The following ZDHHC14 variants were observed in gnomAD, a reference collection of about 807,000 sequenced individuals.
The protein encoded by ZDHHC14 is zDHHC palmitoyltransferase 14, also known as palmitoyltransferase ZDHHC14.
A neutral mutation model predicts 47.7 loss-of-function variants in ZDHHC14; 16 were observed. That is an observed-to-expected ratio of 0.34 (90% CI 0.23 to 0.51). ZDHHC14 has a LOEUF of 0.51. ZDHHC14 is among the 20% of genes least tolerant of loss of function. The pLI, the probability that ZDHHC14 is intolerant of heterozygous loss-of-function variation, is 0.97. For missense variants in ZDHHC14, 515 were observed against 662.5 expected (o/e 0.78, Z 2.44); for synonymous variants, 293 against 278.9 (o/e 1.05, Z -0.50).
chr6:157,616,752 C>T (rs765724601), intron 3 of ZDHHC14, among the ~76,000 whole-genome samples: 13 of 152,140 alleles, frequency 8.5e-5, no homozygotes, highest in Non-Finnish European at 1.3e-4. Context: ...GACAGTGTGC[C>T]ATGAGAATGT....
At chr6:157,529,670 G>A (rs1490252098) in intron 1 of ZDHHC14, among the ~76,000 whole-genome samples, 1 of 152,188 alleles carries the variant, frequency 6.6e-6, no homozygotes, top group African/African-American at 2.4e-5. Context: ...ATAGTTTCAG[G>A]TTTCACTGTG....
intron 1 of ZDHHC14, among the ~76,000 whole-genome samples, chr6:157,398,085 GC>G (rs772680612): frequency 0.024 from 1,689 of 71,370 alleles, 15 homozygotes; most frequent in Non-Finnish European, 0.031. Context: ...CAGCTCCCCA[GC>G]CCCCCCCGGC....
intron 3 of ZDHHC14, among the ~76,000 whole-genome samples, chr6:157,595,826 TA>T (rs1467723226): frequency 4.6e-5 from 7 of 152,128 alleles, no homozygotes; most frequent in African/African-American, 1.4e-4. Context: ...ACCTTTCTGG[TA>T]AATCAAAGTC....
intron 1 of ZDHHC14, among the ~76,000 whole-genome samples, chr6:157,510,169 G>A (rs369194133): frequency 8.5e-5 from 13 of 152,298 alleles, no homozygotes; most frequent in East Asian, 3.9e-4. Context: ...ACTTGAACCC[G>A]GAGGCTGGAA....
intron 1 of ZDHHC14, among the ~76,000 whole-genome samples, chr6:157,494,306 G>T (rs1780003082): frequency 6.6e-6 from 1 of 152,160 alleles, no homozygotes; most frequent in South Asian, 2.1e-4. Flanking sequence ...AGCCGTCCTT[G>T]GATGCCTGTC....
In ZDHHC14 at chr6:157,463,096, T is replaced by C. The variant is rs1181363814; in HGVS notation, c.246-79489T>C. Among the ~76,000 whole-genome samples, 1 of 152,226 alleles carries C rather than the reference T, an allele frequency of 6.6e-6. No individual in the cohort carries two copies. The highest frequency in any genetic ancestry group is 2.4e-5 in the African/African-American group (1 of 41,452). On this transcript the variant is annotated intron_variant, in intron 1 of 8. Transcript: ENST00000359775. The surrounding 1 kb of genome is among the most constrained non-coding windows in gnomAD (Gnocchi z 4.4). The stretch of plus-strand genomic sequence containing the variant: ...GTAGGTGCATGTTATATAGAAAGTT[T>C]ATTACACGAGTTGTTGGCTATTCAG...
chr6:157,625,126 A>G lies in ZDHHC14; in HGVS notation c.566-3223A>G, dbSNP rs945876094. On this transcript the variant is annotated intron_variant, in intron 3 of 8. Transcript: ENST00000359775. ...CCCCTCTTCAATGCCCCACCTCTCA[A>G]CACTGTTGCACTGGGGACTAAGTTT... Among the ~76,000 whole-genome samples, 9 of 152,154 alleles carry G rather than the reference A, an allele frequency of 5.9e-5. No individual in the cohort carries two copies. In the South Asian group the frequency reaches 1.9e-3, roughly 32 times the overall value.
At chr6:157,496,623 A>T (rs1240523559) in intron 1 of ZDHHC14, among the ~76,000 whole-genome samples, 1 of 152,204 alleles carries the variant, frequency 6.6e-6, no homozygotes, top group Non-Finnish European at 1.5e-5. Flanking sequence ...GAAGATGGGC[A>T]TGTGCCTGGG....
intron 2 of ZDHHC14, among the ~76,000 whole-genome samples, chr6:157,560,219 G>A (rs372128429): frequency 6.6e-6 from 1 of 152,330 alleles, no homozygotes; most frequent in East Asian, 1.9e-4. Context: ...TCCTGGAGAA[G>A]AGCGTGTCAG....
chr6:157,528,020 A>C (rs1033571454), intron 1 of ZDHHC14, among the ~76,000 whole-genome samples: 1 of 152,150 alleles, frequency 6.6e-6, no homozygotes, highest in Non-Finnish European at 1.5e-5. Flanking sequence ...CTTTCATGGC[A>C]GTCACACCTT....
intron 5 of ZDHHC14, among the ~76,000 whole-genome samples, chr6:157,636,891 G>A (rs962825034): frequency 1.3e-5 from 2 of 152,304 alleles, no homozygotes; most frequent in Admixed American, 6.5e-5. Context: ...TGCCACTGAC[G>A]CCCCTCCCCT....
intron 1 of ZDHHC14, among the ~76,000 whole-genome samples, chr6:157,426,517 C>T (rs1266597574): frequency 6.6e-6 from 1 of 152,118 alleles, no homozygotes; most frequent in Non-Finnish European, 1.5e-5. Flanking sequence ...TTTGAGGGGC[C>T]TACGGGGCAC....
intron 1 of ZDHHC14, among the ~76,000 whole-genome samples, chr6:157,461,172 C>G (rs1779077257): frequency 6.6e-6 from 1 of 152,144 alleles, no homozygotes; most frequent in South Asian, 2.1e-4. Context: ...AGGTGGCCAC[C>G]ACCGTAAACA....
intron 1 of ZDHHC14, among the ~76,000 whole-genome samples, chr6:157,509,895 C>T (rs572498488): frequency 1.2e-3 from 181 of 152,364 alleles, no homozygotes; most frequent in Non-Finnish European, 2.2e-3. Flanking sequence ...AGCCTCATTG[C>T]CATGTCTCTT....
intron 1 of ZDHHC14, among the ~76,000 whole-genome samples, chr6:157,488,170 T>C (rs920636060): frequency 1.3e-5 from 2 of 152,150 alleles, no homozygotes; most frequent in Non-Finnish European, 2.9e-5. Context: ...CAGCCAGACC[T>C]TGCCTGGCAT....
chr6:157,449,939 TG>T (rs1778765954), intron 1 of ZDHHC14, among the ~76,000 whole-genome samples: 1 of 152,216 alleles, frequency 6.6e-6, no homozygotes, highest in African/African-American at 2.4e-5. Flanking sequence ...TTAATTTCCC[TG>T]GTCTGTCGTA....
intron 2 of ZDHHC14, 32 bp from the exon 3 acceptor site, chr6:157,592,956 G>A (rs779702394): frequency 2.8e-5 from 44 of 1,592,358 alleles, no homozygotes; most frequent in Non-Finnish European, 3.8e-5. Context: ...AGGCTCTGAA[G>A]GTGTGCGCTC....
At chr6:157,481,383 TGTGATGCGACTGGTTGTACAGTGAG>T (rs574163943) in intron 1 of ZDHHC14, among the ~76,000 whole-genome samples, 2,322 of 152,250 alleles carry the variant, frequency 0.015, 30 homozygotes, top group Non-Finnish European at 0.023. Context: ...CATTTCCGCA[TGTGATGCGACTGGTTGTACAGTGAG>T]GTGATGCGAC....
At chr6:157,505,226 G>A (rs1031305523) in intron 1 of ZDHHC14, among the ~76,000 whole-genome samples, 6 of 152,222 alleles carry the variant, frequency 3.9e-5, no homozygotes, top group South Asian at 2.1e-4. Flanking sequence ...GGAGGGAGTC[G>A]TCTGGAAGGT....
Sources: allele counts gnomAD v4.1 joint callset (sites outside exome capture counted in the v4.1 genomes callset), GRCh38; gene constraint gnomAD v4.1.1; non-coding constraint Gnocchi (gnomAD v3.1); transcripts MANE v1.5; gene names NCBI Gene and HGNC (gene_info 2026-07-23, HGNC 2026-07-21).